MSRB3: variants seen among roughly 807,000 people sequenced by gnomAD.
The protein encoded by MSRB3 is methionine-R-sulfoxide reductase B3.
Under a neutral mutation model 21.0 loss-of-function variants are expected in MSRB3, and 13 were observed. That is an observed-to-expected ratio of 0.62 (90% CI 0.40 to 0.98). The LOEUF is 0.98. Ranked by LOEUF, MSRB3 falls within the 50% of genes least tolerant of loss-of-function variation. The pLI is 0.00. For missense variants in MSRB3, 199 were observed against 230.3 expected, an observed-to-expected ratio of 0.86 and a Z score of 0.88; for synonymous variants, 87 against 88.6, an observed-to-expected ratio of 0.98 and a Z score of 0.10.
intron 4 of MSRB3, among the ~76,000 whole-genome samples, chr12:65,351,141 G>A (rs1340692507): frequency 4.0e-5 from 6 of 151,490 alleles, no homozygotes; most frequent in Admixed American, 2.0e-4. Flanking sequence ...TCAAACTAGA[G>A]CTCAGGATTA....
intron 1 of MSRB3, among the ~76,000 whole-genome samples, chr12:65,303,700 G>T (rs550563199): frequency 6.6e-6 from 1 of 152,086 alleles, no homozygotes; most frequent in African/African-American, 2.4e-5. Flanking sequence ...TGTCACTGTC[G>T]TTAAGGGGTT....
At position 65,422,388 on chromosome 12, in the gene MSRB3, G is replaced by GTATA. The variant is rs59746471; in HGVS notation, c.293-31300_293-31297dup. The stretch of plus-strand genomic sequence containing the variant: ...AATTTTTAATTTTTGGGAGTACATA[G>GTATA]TATATATATATATATATATATATAT... On this transcript the variant is annotated intron_variant, in intron 5 of 6. Transcript: ENST00000308259. Among the ~76,000 whole-genome samples, 616 of 91,762 alleles carry GTATA rather than the reference G, an allele frequency of 6.7e-3. 3 individuals are homozygous for GTATA. The highest frequency in any genetic ancestry group is 0.011 in the East Asian group (40 of 3,648). The allele number at this position is 91,762 out of a possible 152,430, so 60.2% of individuals were successfully genotyped here.
intron 5 of MSRB3, among the ~76,000 whole-genome samples, chr12:65,400,177 G>A (rs1880043588): frequency 1.3e-5 from 2 of 151,626 alleles, no homozygotes; most frequent in East Asian, 1.9e-4. Flanking sequence ...AGAAGGAATG[G>A]TACTAGCTCC....
chr12:65,422,303 G>C (rs999572728), intron 5 of MSRB3, among the ~76,000 whole-genome samples: 2 of 150,030 alleles, frequency 1.3e-5, no homozygotes, highest in Non-Finnish European at 3.0e-5. Context: ...TTCATTGCCA[G>C]TATTAGACAG....
intron 1 of MSRB3, among the ~76,000 whole-genome samples, chr12:65,287,691 T>A (rs1359093711): frequency 2.0e-5 from 3 of 152,110 alleles, no homozygotes; most frequent in Non-Finnish European, 4.4e-5. Flanking sequence ...CCCCCTTGTT[T>A]CTGATTTTGT....
chr12:65,366,217 TTTTCCCA>T (rs1185677028), intron 4 of MSRB3, among the ~76,000 whole-genome samples: 6 of 152,238 alleles, frequency 3.9e-5, no homozygotes, highest in African/African-American at 1.4e-4. Context: ...TGCCACACCT[TTTTCCCA>T]TCTTTTAGGG....
At chr12:65,321,136 C>A (rs527326837) in intron 2 of MSRB3, among the ~76,000 whole-genome samples, 1 of 152,264 alleles carries the variant, frequency 6.6e-6, no homozygotes, top group South Asian at 2.1e-4. Flanking sequence ...ATACTTACCA[C>A]CTTCTAAGAG....
In MSRB3 at chr12:65,463,195, G is replaced by A. The variant is rs777352509; in HGVS notation, c.431G>A (p.Arg144His). 63 of 1,614,010 alleles carry A rather than the reference G, an allele frequency of 3.9e-5. 1 individual carries two copies. The highest frequency in any genetic ancestry group is 2.0e-4 in the East Asian group (9 of 44,888). ...GGGCACATTTTTGATGATGGGCCTC[G>A]TCCAACTGGGAAAAGATACTGCATA... ...HLGHIFDDGP[R>H]PTGKRYCINS... Residue 144 changes from arginine to histidine, a missense_variant, in exon 7 of 7, where the codon CGT becomes CAT. Transcript: ENST00000308259.
intron 5 of MSRB3, among the ~76,000 whole-genome samples, chr12:65,389,175 C>G (rs1879342454): frequency 6.6e-6 from 1 of 152,194 alleles, no homozygotes; most frequent in South Asian, 2.1e-4. Flanking sequence ...TGGTGTTCCT[C>G]TCTCCTGCCC....
chr12:65,345,128 A>T (rs1318434758), intron 4 of MSRB3, among the ~76,000 whole-genome samples: 1 of 152,016 alleles, frequency 6.6e-6, no homozygotes, highest in Non-Finnish European at 1.5e-5. Context: ...GATTAATTTG[A>T]TGTTTAAAAC....
At chr12:65,414,138 G>A (rs1482364307) in intron 5 of MSRB3, among the ~76,000 whole-genome samples, 3 of 152,174 alleles carry the variant, frequency 2.0e-5, no homozygotes, top group African/African-American at 7.2e-5. Context: ...GAAACCACCA[G>A]ATGGTTTTGA....
chr12:65,446,377 A>G (rs549694010), intron 5 of MSRB3, among the ~76,000 whole-genome samples: 6 of 152,224 alleles, frequency 3.9e-5, no homozygotes, highest in African/African-American at 9.6e-5. Context: ...AATCTGAGCC[A>G]GTTAAAGCGG....
chr12:65,372,163 C>T (rs1434415117), intron 5 of MSRB3, among the ~76,000 whole-genome samples: 1 of 152,096 alleles, frequency 6.6e-6, no homozygotes, highest in Admixed American at 6.5e-5. Flanking sequence ...GTGACATACA[C>T]GTCATTGTGT....
chr12:65,457,950 T>G (rs2136710765), intron 6 of MSRB3, among the ~76,000 whole-genome samples: 1 of 152,320 alleles, frequency 6.6e-6, no homozygotes, highest in Non-Finnish European at 1.5e-5. Flanking sequence ...TATTCTTAAT[T>G]TACGTGGCTT....
At chr12:65,290,141 G>A (rs1872593123) in intron 1 of MSRB3, among the ~76,000 whole-genome samples, 2 of 135,880 alleles carry the variant, frequency 1.5e-5, no homozygotes, top group Non-Finnish European at 3.2e-5. Flanking sequence ...AATAATAATA[G>A]TGATGATAAT....
intron 1 of MSRB3, among the ~76,000 whole-genome samples, chr12:65,298,200 C>T (rs1873098348): frequency 1.3e-5 from 2 of 152,130 alleles, no homozygotes; most frequent in African/African-American, 4.8e-5. Context: ...AACAGGGTTT[C>T]ACCATGTTGC....
At chr12:65,458,803 C>G (rs777028871) in intron 6 of MSRB3, among the ~76,000 whole-genome samples, 3 of 152,152 alleles carry the variant, frequency 2.0e-5, no homozygotes, top group Non-Finnish European at 4.4e-5. Flanking sequence ...CAATTTTCAG[C>G]TATAAAGAAT....
chr12:65,315,400 G>T (rs1874227003), intron 2 of MSRB3, among the ~76,000 whole-genome samples: 2 of 152,054 alleles, frequency 1.3e-5, no homozygotes, highest in Non-Finnish European at 2.9e-5. Flanking sequence ...GCCTGGCGCG[G>T]TGGTCGTACC....
chr12:65,418,296 G>C (rs536923799), intron 5 of MSRB3, among the ~76,000 whole-genome samples: 14 of 152,192 alleles, frequency 9.2e-5, no homozygotes, highest in African/African-American at 2.6e-4. Context: ...GTAGAAACAG[G>C]GTTTTGGGAA....
Sources: gnomAD v4.1 joint callset for allele counts (sites outside exome capture counted in the v4.1 genomes callset) on GRCh38, gnomAD v4.1.1 for gene constraint, MANE v1.5 for transcripts, NCBI Gene and HGNC (gene_info 2026-07-23, HGNC 2026-07-21) for gene names.